The following SLC24A2 variants were observed in gnomAD, a reference collection of about 807,000 sequenced individuals.
SLC24A2 encodes the protein sodium/potassium/calcium exchanger 2.
In SLC24A2, 36 loss-of-function variants were observed where a neutral mutation model predicts 62.0. The ratio of observed to expected loss-of-function variants is 0.58; its 90% CI spans 0.44 to 0.77. SLC24A2 has a LOEUF of 0.77. SLC24A2 is among the 30% of genes least tolerant of loss of function. The pLI is 0.00. For missense variants in SLC24A2, 846 were observed against 817.9 expected, an observed-to-expected ratio of 1.03 and a Z score of -0.42; for synonymous variants, 358 against 294.0, an observed-to-expected ratio of 1.22 and a Z score of -2.23.
chr9:19,762,014 G>C (rs946931095), intron 2 of SLC24A2, among the ~76,000 whole-genome samples: 3 of 152,082 alleles, frequency 2.0e-5, no homozygotes, highest in African/African-American at 7.2e-5. Context: ...GGATGGCTGG[G>C]TCAAATGGTA....
chr9:19,874,996 C>CAAA, the SLC24A2 span, among the ~76,000 whole-genome samples: 33 of 96,562 alleles, frequency 3.4e-4, no homozygotes, highest in East Asian at 8.8e-4. Context: ...TCCAGAATTA[C>CAAA]AAAAAAAAAA....
intron 2 of SLC24A2, among the ~76,000 whole-genome samples, chr9:19,669,964 T>C (rs140100533): frequency 2.6e-5 from 4 of 152,354 alleles, no homozygotes; most frequent in African/African-American, 7.2e-5. Flanking sequence ...CCCACAATTA[T>C]TGGTCCTTGG....
the SLC24A2 span, among the ~76,000 whole-genome samples, chr9:20,077,238 A>G: frequency 6.6e-6 from 1 of 152,108 alleles, no homozygotes; most frequent in Non-Finnish European, 1.5e-5. Context: ...CACACAGACT[A>G]CTTAATAAAT....
At chr9:20,167,257 C>G in the SLC24A2 span, among the ~76,000 whole-genome samples, 158 of 152,128 alleles carry the variant, frequency 1.0e-3, 2 homozygotes, top group African/African-American at 3.6e-3. Context: ...AAATCTTGAA[C>G]TCTTTCATAC....
At chr9:20,221,610 G>A in the SLC24A2 span, among the ~76,000 whole-genome samples, 4 of 151,832 alleles carry the variant, frequency 2.6e-5, no homozygotes, top group African/African-American at 9.7e-5. Flanking sequence ...TTCTCAGATC[G>A]GAAGTGCATC....
At chr9:19,936,037 G>C in the SLC24A2 span, among the ~76,000 whole-genome samples, 2 of 152,034 alleles carry the variant, frequency 1.3e-5, no homozygotes, top group Non-Finnish European at 2.9e-5. Context: ...TTGAGTATGA[G>C]GGTACATGTC....
chr9:20,052,618 T>G, the SLC24A2 span, among the ~76,000 whole-genome samples: 1 of 152,208 alleles, frequency 6.6e-6, no homozygotes, highest in African/African-American at 2.4e-5. Flanking sequence ...TTGCTTCATT[T>G]CATTTTATTT....
intron 7 of SLC24A2, among the ~76,000 whole-genome samples, chr9:19,555,215 T>C (rs1835024182): frequency 6.6e-6 from 1 of 152,206 alleles, no homozygotes; most frequent in Non-Finnish European, 1.5e-5. Context: ...GGGTTTTTAG[T>C]TCTTTACAGT....
chr9:19,594,236 T>C (rs1563987459), intron 5 of SLC24A2, among the ~76,000 whole-genome samples: 1 of 152,120 alleles, frequency 6.6e-6, no homozygotes. Context: ...GTGATTGCCG[T>C]GTGTTATTTT....
At chr9:19,750,906 T>C (rs1223548247) in intron 2 of SLC24A2, among the ~76,000 whole-genome samples, 2 of 152,194 alleles carry the variant, frequency 1.3e-5, no homozygotes, top group African/African-American at 4.8e-5. Flanking sequence ...TCTGCTTTTG[T>C]CTGGCAAACT....
chr9:19,902,698 C>A, the SLC24A2 span, among the ~76,000 whole-genome samples: 2 of 151,940 alleles, frequency 1.3e-5, no homozygotes, highest in Admixed American at 6.6e-5. Context: ...TATCACATAT[C>A]GATGAATATT....
intron 2 of SLC24A2, among the ~76,000 whole-genome samples, chr9:19,670,537 C>T (rs913005313): frequency 2.6e-5 from 4 of 152,092 alleles, no homozygotes; most frequent in African/African-American, 9.7e-5. Flanking sequence ...TTTATTTATT[C>T]CTTATGACAA....
the SLC24A2 span, among the ~76,000 whole-genome samples, chr9:20,229,651 A>G: frequency 6.6e-6 from 1 of 152,014 alleles, no homozygotes; most frequent in African/African-American, 2.4e-5. Context: ...GGCTCTCATT[A>G]TACTATTACT....
chr9:19,613,149 T>A (rs1409735794), intron 4 of SLC24A2, among the ~76,000 whole-genome samples: 2 of 152,222 alleles, frequency 1.3e-5, no homozygotes, highest in Admixed American at 1.3e-4. Context: ...TAGTAGACCC[T>A]CACTTTTTAA....
At chr9:19,984,037 T>C in the SLC24A2 span, among the ~76,000 whole-genome samples, 33 of 152,316 alleles carry the variant, frequency 2.2e-4, no homozygotes, top group African/African-American at 7.9e-4. Flanking sequence ...AAATCTGTAA[T>C]AAGTTGAAAA....
At chr9:20,117,345 G>C in the SLC24A2 span, among the ~76,000 whole-genome samples, 11 of 152,116 alleles carry the variant, frequency 7.2e-5, no homozygotes, top group African/African-American at 2.7e-4. Flanking sequence ...TCTGATATCA[G>C]GCTACATACT....
chr9:20,002,907 C>T, the SLC24A2 span, among the ~76,000 whole-genome samples: 1 of 152,216 alleles, frequency 6.6e-6, no homozygotes, highest in Non-Finnish European at 1.5e-5. Flanking sequence ...AGGGCTGACT[C>T]TACGGATGTA....
At chr9:19,908,139 A>G in the SLC24A2 span, among the ~76,000 whole-genome samples, 1 of 152,356 alleles carries the variant, frequency 6.6e-6, no homozygotes, top group East Asian at 1.9e-4. Context: ...AAACAGAGAT[A>G]TAGACCAATG....
intron 2 of SLC24A2, among the ~76,000 whole-genome samples, chr9:19,658,773 C>T (rs1185960938): frequency 2.6e-5 from 4 of 152,118 alleles, no homozygotes; most frequent in Non-Finnish European, 4.4e-5. Flanking sequence ...GGAGAGAGAG[C>T]TCGGAATACT....
Sources: allele counts gnomAD v4.1 joint callset (sites outside exome capture counted in the v4.1 genomes callset), GRCh38; gene constraint gnomAD v4.1.1; transcripts MANE v1.5; gene names NCBI Gene and HGNC (gene_info 2026-07-23, HGNC 2026-07-21).